The following PVT1 variants were observed in gnomAD, a reference collection of about 807,000 sequenced individuals.
The protein encoded by PVT1 is CXCR4/PVT1 fusion.
At chr8:127,801,481 TC>T (rs1339406334) in intron 2 of PVT1, among the ~76,000 whole-genome samples, 1 of 152,178 alleles carries the variant, frequency 6.6e-6, no homozygotes, top group Non-Finnish European at 1.5e-5. Flanking sequence ...ACTCAAGTGA[TC>T]CACCCACCTC....
At chr8:127,988,512 C>T (rs1586469560) in intron 3 of PVT1, among the ~76,000 whole-genome samples, 1 of 152,336 alleles carries the variant, frequency 6.6e-6, no homozygotes, top group East Asian at 1.9e-4. Flanking sequence ...TCATTCTCCA[C>T]ACTGTCCCAC....
chr8:128,078,383 A>G (rs772448657), intron 5 of PVT1, among the ~76,000 whole-genome samples: 7 of 152,194 alleles, frequency 4.6e-5, no homozygotes, highest in Non-Finnish European at 7.3e-5. Flanking sequence ...TGGGTTCTCA[A>G]TAAGTATATT....
intron 3 of PVT1, among the ~76,000 whole-genome samples, chr8:127,944,178 C>A (rs1041103290): frequency 6.6e-6 from 1 of 152,148 alleles, no homozygotes; most frequent in Non-Finnish European, 1.5e-5. Flanking sequence ...TCCTCAAACT[C>A]CTGGGCTCAA....
chr8:127,959,312 C>T (rs1816608883), intron 3 of PVT1, among the ~76,000 whole-genome samples: 4 of 152,154 alleles, frequency 2.6e-5, no homozygotes, highest in South Asian at 4.1e-4. Context: ...CCAGGCTGGG[C>T]GCGGTGGCTC....
intron 3 of PVT1, among the ~76,000 whole-genome samples, chr8:127,926,698 C>T (rs1042659372): frequency 1.3e-5 from 2 of 152,192 alleles, no homozygotes; most frequent in African/African-American, 4.8e-5. Context: ...ACAGACATTC[C>T]CTCCTCAGGA....
chr8:127,812,170 AAGAGGGAG>A (rs1237798870), intron 2 of PVT1, among the ~76,000 whole-genome samples: 8 of 132,026 alleles, frequency 6.1e-5, no homozygotes, highest in Admixed American at 3.8e-4. Context: ...AGGGGAGGGG[AAGAGGGAG>A]AGAGGGAGGG....
chr8:127,838,891 A>T (rs898443320), intron 2 of PVT1, among the ~76,000 whole-genome samples: 1 of 152,200 alleles, frequency 6.6e-6, no homozygotes, highest in Non-Finnish European at 1.5e-5. Flanking sequence ...CGGTGGCCCT[A>T]TGAGATTATA....
At position 127,888,292 on chromosome 8, in the gene PVT1, T is replaced by C. The variant is rs1586422642; in HGVS notation, n.373-2297T>C. 5.3e-5 allele frequency among the ~76,000 whole-genome samples: 8 copies of C among 152,330 alleles called. No individual in the cohort carries two copies. The South Asian group carries it at 1.4e-3, about 28-fold the overall frequency. On this transcript the variant is annotated intron_variant and non_coding_transcript_variant, in intron 2 of 10. Transcript: ENST00000651587. ...CCTTACTGTTTCCTTCGTGATTTCT[T>C]CACTAGCCGCTGCAAGTGTGTGTGG...
chr8:127,798,479 A>C (rs1040775754), intron 2 of PVT1, among the ~76,000 whole-genome samples: 2 of 152,000 alleles, frequency 1.3e-5, no homozygotes, highest in Non-Finnish European at 2.9e-5. Flanking sequence ...GTCAGAGACA[A>C]AGGGGCCAAG....
intron 3 of PVT1, among the ~76,000 whole-genome samples, chr8:127,908,426 C>T (rs1815850403): frequency 6.6e-6 from 1 of 151,340 alleles, no homozygotes; most frequent in Non-Finnish European, 1.5e-5. Context: ...GCTGCAACCT[C>T]CGCCTCCTGG....
At chr8:128,046,766 C>T (rs774740875) in intron 4 of PVT1, among the ~76,000 whole-genome samples, 28 of 152,220 alleles carry the variant, frequency 1.8e-4, no homozygotes, top group Admixed American at 4.6e-4. Context: ...AATGTTCACT[C>T]TTCAATATCT....
intron 5 of PVT1, among the ~76,000 whole-genome samples, chr8:128,075,678 T>G (rs958821086): frequency 6.6e-6 from 1 of 152,206 alleles, no homozygotes; most frequent in African/African-American, 2.4e-5. Context: ...AGTACTATTG[T>G]GTACACCTCT....
intron 5 of PVT1, among the ~76,000 whole-genome samples, chr8:128,088,690 C>G (rs2130164280): frequency 6.6e-6 from 1 of 152,326 alleles, no homozygotes; most frequent in Non-Finnish European, 1.5e-5. Context: ...AGAATGCATC[C>G]TCTGCAGTTT....
chr8:127,890,933 A>T (rs570947979), exon 3 of PVT1: 2 of 152,442 alleles, frequency 1.3e-5, no homozygotes, highest in African/African-American at 4.8e-5. Flanking sequence ...TATGGAATGT[A>T]AGACCCCGAC....
intron 4 of PVT1, among the ~76,000 whole-genome samples, chr8:128,013,670 C>G (rs1480236770): frequency 6.6e-6 from 1 of 152,170 alleles, no homozygotes; most frequent in East Asian, 1.9e-4. Context: ...CTTATTCGTA[C>G]CTTGCTGTGG....
chr8:127,963,284 A>G (rs1185324403), intron 3 of PVT1, among the ~76,000 whole-genome samples: 2 of 152,014 alleles, frequency 1.3e-5, no homozygotes, highest in African/African-American at 2.4e-5. Flanking sequence ...CCTGCCCTCT[A>G]CCTTGGATGG....
chr8:127,970,257 G>A (rs775418840), intron 3 of PVT1, among the ~76,000 whole-genome samples: 2 of 133,542 alleles, frequency 1.5e-5, no homozygotes, highest in Non-Finnish European at 3.1e-5. Flanking sequence ...AGTTTTGTCC[G>A]CATTCACATT....
At position 128,053,792 on chromosome 8, in the gene PVT1, C is replaced by T. The variant is rs553109598; in HGVS notation, n.913-16368C>T. 8.5e-4 allele frequency among the ~76,000 whole-genome samples: 130 copies of T among 152,212 alleles called. 1 individual carries two copies. The highest frequency in any genetic ancestry group is 1.4e-3 in the Admixed American group (21 of 15,284). On this transcript the variant is annotated intron_variant and non_coding_transcript_variant, in intron 4 of 10. Coordinates refer to ENST00000651587, the Ensembl canonical transcript of PVT1. ...CAGCATCTGTCAGCAGGTACAGCTG[C>T]ACCAGCACAGTGGACTGGCTGAGCA...
At chr8:127,973,196 G>T (rs970178616) in intron 3 of PVT1, among the ~76,000 whole-genome samples, 2 of 152,174 alleles carry the variant, frequency 1.3e-5, no homozygotes, top group Non-Finnish European at 2.9e-5. Flanking sequence ...ATGCCTGGCT[G>T]TTCAGCTGCA....
Sources: allele counts gnomAD v4.1 joint callset (sites outside exome capture counted in the v4.1 genomes callset), GRCh38; gene constraint gnomAD v4.1.1; transcripts MANE v1.5; gene names NCBI Gene and HGNC (gene_info 2026-07-23, HGNC 2026-07-21).